Variants in MTHFD1L observed in about 807,000 individuals in gnomAD.
MTHFD1L encodes the protein monofunctional C1-tetrahydrofolate synthase, mitochondrial.
A neutral mutation model predicts 119.5 loss-of-function variants in MTHFD1L; 81 were observed. That is an observed-to-expected ratio of 0.68 (90% CI 0.57 to 0.82). The LOEUF (loss-of-function observed/expected upper bound fraction) is 0.82. Ranked by LOEUF, MTHFD1L falls within the 40% of genes least tolerant of loss-of-function variation. The probability of loss-of-function intolerance (pLI) is 0.00; values close to 1 mark genes in which losing one functional copy is unlikely to be tolerated. For missense variants in MTHFD1L, 1,125 were observed against 1,253.4 expected (o/e 0.90, Z 1.55); for synonymous variants, 430 against 475.2 (o/e 0.90, Z 1.24).
At chr6:151,047,007 C>T (rs1347427550) in intron 26 of MTHFD1L, among the ~76,000 whole-genome samples, 16 of 152,282 alleles carry the variant, frequency 1.1e-4, no homozygotes, top group Admixed American at 8.5e-4. Flanking sequence ...ATCTGGAACT[C>T]GCGGCAGTTT....
At chr6:151,066,317 G>A (rs557858264) in intron 26 of MTHFD1L, among the ~76,000 whole-genome samples, 90 of 151,110 alleles carry the variant, frequency 6.0e-4, no homozygotes, top group Non-Finnish European at 1.1e-3. Flanking sequence ...GGCACCTGTA[G>A]TCCCAGCTAT....
At chr6:150,880,173 A>G (rs1434184310) in intron 4 of MTHFD1L, among the ~76,000 whole-genome samples, 2 of 152,108 alleles carry the variant, frequency 1.3e-5, no homozygotes, top group Admixed American at 1.3e-4. Context: ...TAGTCACTCT[A>G]CTATGTAAGA....
chr6:150,983,051 C>T (rs554078082), intron 20 of MTHFD1L, among the ~76,000 whole-genome samples: 11 of 152,198 alleles, frequency 7.2e-5, no homozygotes, highest in Non-Finnish European at 5.9e-5. Flanking sequence ...GATGGTAGTT[C>T]ATTATAGTTG....
In MTHFD1L at chr6:150,955,486, G is replaced by T. The variant is rs920074518; in HGVS notation, c.1727-509G>T. On this transcript the variant is annotated intron_variant, in intron 16 of 27. Coordinates refer to ENST00000367321, the MANE Select transcript of MTHFD1L (RefSeq NM_015440.5). ...TCGGGTAATGCCAAGAAGGGAAGTT[G>T]CTGGTTGGGTTTTTTTTTTTTTTTT... Among the ~76,000 whole-genome samples, 4 of 140,286 alleles carry T rather than the reference G, an allele frequency of 2.9e-5. No individual in the cohort carries two copies. The Admixed American group carries it at 3.1e-4, about 11-fold the overall frequency. The allele number at this position is 140,286 out of a possible 152,430, so 92.0% of individuals were successfully genotyped here.
chr6:151,015,029 C>A, intron 23 of MTHFD1L, 49 bp downstream of exon 23: 1 of 1,442,298 alleles, frequency 6.9e-7, no homozygotes, highest in Non-Finnish European at 9.7e-7. Flanking sequence ...CTAGGCCACC[C>A]TGTGAACGAT....
intron 24 of MTHFD1L, among the ~76,000 whole-genome samples, chr6:151,028,838 G>A (rs1279979103): frequency 4.6e-5 from 7 of 152,196 alleles, no homozygotes; most frequent in African/African-American, 1.7e-4. Flanking sequence ...CACTTTGGAA[G>A]TCTGAGGCAG....
intron 20 of MTHFD1L, among the ~76,000 whole-genome samples, chr6:150,977,527 A>C (rs963881660): frequency 6.6e-6 from 1 of 152,244 alleles, no homozygotes; most frequent in Non-Finnish European, 1.5e-5. Context: ...GATATTTGGC[A>C]TCGAATTCTA....
chr6:151,093,308 A>G (rs140244698), intron 27 of MTHFD1L, among the ~76,000 whole-genome samples: 6 of 152,180 alleles, frequency 3.9e-5, no homozygotes, highest in Middle Eastern at 3.4e-3. Context: ...CACCTCTTAT[A>G]AGGACCCCAG....
At chr6:150,946,179 T>C (rs1793909652) in intron 15 of MTHFD1L, among the ~76,000 whole-genome samples, 1 of 152,194 alleles carries the variant, frequency 6.6e-6, no homozygotes, top group African/African-American at 2.4e-5. Flanking sequence ...GACAGAGTTT[T>C]ACTCTTGTTG....
intron 20 of MTHFD1L, among the ~76,000 whole-genome samples, chr6:151,001,137 G>A (rs1172811627): frequency 1.3e-5 from 2 of 152,130 alleles, no homozygotes; most frequent in South Asian, 2.1e-4. Flanking sequence ...ATTCAAGTTC[G>A]TGTCCAGACG....
chr6:150,927,641 G>A (rs769516417), intron 11 of MTHFD1L, among the ~76,000 whole-genome samples: 11 of 151,854 alleles, frequency 7.2e-5, no homozygotes, highest in Non-Finnish European at 1.0e-4. Flanking sequence ...ATTTTTAGTC[G>A]AGATGGGGTT....
intron 24 of MTHFD1L, among the ~76,000 whole-genome samples, chr6:151,023,603 C>T (rs1430759190): frequency 6.6e-6 from 1 of 152,124 alleles, no homozygotes; most frequent in African/African-American, 2.4e-5. Context: ...AAAGCTTGCC[C>T]CAGCTTTCTT....
At chr6:150,977,377 A>T (rs982606137) in intron 20 of MTHFD1L, among the ~76,000 whole-genome samples, 12 of 152,220 alleles carry the variant, frequency 7.9e-5, no homozygotes, top group African/African-American at 2.7e-4. Context: ...CATTTATTTT[A>T]AAAAAGCATG....
intron 14 of MTHFD1L, 59 bp downstream of exon 14, chr6:150,944,652 T>A: frequency 7.7e-7 from 1 of 1,301,110 alleles, no homozygotes; most frequent in Non-Finnish European, 1.1e-6. Context: ...CCTGGATTCT[T>A]AAGGAGTTTG....
chr6:151,099,865 A>G (rs191412498), intron 27 of MTHFD1L: 86 of 1,581,906 alleles, frequency 5.4e-5, no homozygotes, highest in Non-Finnish European at 8.6e-7. Context: ...CATCGTGGAA[A>G]GAGCTGCCCA....
intron 24 of MTHFD1L, chr6:151,022,119 C>G (rs1400079599): frequency 2.1e-6 from 1 of 468,562 alleles, no homozygotes; most frequent in Non-Finnish European, 4.4e-6. Context: ...CTGCTGACTT[C>G]TGAACTTCAC....
chr6:150,892,494 T>C (rs1459807899), intron 7 of MTHFD1L, among the ~76,000 whole-genome samples: 1 of 152,194 alleles, frequency 6.6e-6, no homozygotes, highest in African/African-American at 2.4e-5. Flanking sequence ...ACACGTTTTT[T>C]TCCCTAAGTC....
chr6:151,025,746 G>A (rs910836342), intron 24 of MTHFD1L, among the ~76,000 whole-genome samples: 9 of 152,216 alleles, frequency 5.9e-5, no homozygotes, highest in African/African-American at 2.2e-4. Context: ...GGCCCCCGAT[G>A]TATGCCAACG....
chr6:150,920,939 ATTTTTTTTTTTT>A (rs869169480), intron 9 of MTHFD1L, among the ~76,000 whole-genome samples: 87 of 96,870 alleles, frequency 9.0e-4, no homozygotes, highest in African/African-American at 2.6e-3. Flanking sequence ...CACCCAGATA[ATTTTTTTTTTTT>A]TTTTTTTTTT....
Sources: allele counts gnomAD v4.1 joint callset (sites outside exome capture counted in the v4.1 genomes callset), GRCh38; gene constraint gnomAD v4.1.1; transcripts MANE v1.5; gene names NCBI Gene and HGNC (gene_info 2026-07-23, HGNC 2026-07-21).